The following NRG1 variants were observed in gnomAD, a reference collection of about 807,000 sequenced individuals.
NRG1 encodes neuregulin 1.
Under a neutral mutation model 63.8 loss-of-function variants are expected in NRG1, and 18 were observed. The ratio of observed to expected loss-of-function variants is 0.28; its 90% confidence interval spans 0.19 to 0.42. The LOEUF (loss-of-function observed/expected upper bound fraction) is 0.42, where lower values mean the gene tolerates loss of function less well. NRG1 is among the 10% of genes least tolerant of loss of function. The pLI is 1.00. For synonymous variants in NRG1, 302 were observed against 301.3 expected (o/e 1.00, Z -0.02); for missense variants, 762 against 814.7 (o/e 0.94, Z 0.79).
At chr8:32,717,853 G>A (rs865845293) in intron 5 of NRG1, among the ~76,000 whole-genome samples, 1 of 152,168 alleles carries the variant, frequency 6.6e-6, no homozygotes, top group African/African-American at 2.4e-5. Context: ...TTGGAAGATT[G>A]TGTCTAAATC....
intron 1 of NRG1, among the ~76,000 whole-genome samples, chr8:32,062,575 G>C (rs931233051): frequency 2.6e-5 from 4 of 151,926 alleles, no homozygotes; most frequent in South Asian, 4.1e-4. Flanking sequence ...ATAGAGAGGA[G>C]TGCCTTCTTC....
At chr8:32,086,010 G>A (rs1232632211) in intron 1 of NRG1, among the ~76,000 whole-genome samples, 2 of 152,142 alleles carry the variant, frequency 1.3e-5, no homozygotes, top group East Asian at 3.9e-4. Context: ...AACCCTTCAG[G>A]TAGACTTCTG....
At chr8:31,864,794 G>A (rs745703505) in intron 1 of NRG1, among the ~76,000 whole-genome samples, 1 of 152,192 alleles carries the variant, frequency 6.6e-6, no homozygotes, top group Non-Finnish European at 1.5e-5. Context: ...CTCTGCTGCA[G>A]TGTAGAGAGC....
intron 1 of NRG1, among the ~76,000 whole-genome samples, chr8:32,018,716 T>G (rs117777531): frequency 6.6e-6 from 1 of 152,340 alleles, no homozygotes; most frequent in Non-Finnish European, 1.5e-5. Context: ...ACAAATAAAG[T>G]TGATATAAGC....
chr8:31,800,678 C>T (rs889886099), intron 1 of NRG1, among the ~76,000 whole-genome samples: 2 of 151,870 alleles, frequency 1.3e-5, no homozygotes, highest in African/African-American at 2.4e-5. Context: ...TTTAGTTGAC[C>T]TGGTTTTTAA....
At chr8:32,431,493 C>A (rs544458413) in intron 1 of NRG1, among the ~76,000 whole-genome samples, 6 of 152,052 alleles carry the variant, frequency 3.9e-5, no homozygotes, top group South Asian at 2.1e-4. Flanking sequence ...CTCTGCCTTG[C>A]GGGTAACTTC....
At chr8:31,882,329 T>TA (rs745615085) in intron 1 of NRG1, among the ~76,000 whole-genome samples, 17,650 of 79,818 alleles carry the variant, frequency 0.22, 1,879 homozygotes, top group Admixed American at 0.32. Flanking sequence ...GCTCAAAAAC[T>TA]AAAAAAAAAA....
At chr8:31,740,554 C>T (rs566930502) in intron 1 of NRG1, among the ~76,000 whole-genome samples, 121 of 152,024 alleles carry the variant, frequency 8.0e-4, no homozygotes, top group African/African-American at 2.8e-3. Flanking sequence ...CCAAAATGTC[C>T]ATGACTTCTT....
chr8:32,327,557 T>C (rs1391393837), intron 1 of NRG1, among the ~76,000 whole-genome samples: 2 of 152,226 alleles, frequency 1.3e-5, no homozygotes, highest in Non-Finnish European at 2.9e-5. Context: ...GATCTGAAGA[T>C]TGTCCCATAT....
intron 1 of NRG1, among the ~76,000 whole-genome samples, chr8:32,173,925 G>C (rs1393572512): frequency 6.6e-6 from 1 of 152,152 alleles, no homozygotes; most frequent in Non-Finnish European, 1.5e-5. Context: ...ACATTAGACT[G>C]ATCAACGAGA....
chr8:32,238,375 C>T (rs982334064), intron 1 of NRG1, among the ~76,000 whole-genome samples: 2 of 150,920 alleles, frequency 1.3e-5, no homozygotes, highest in African/African-American at 2.4e-5. Flanking sequence ...AGGAGAATCG[C>T]TTGAACATGG....
chr8:32,199,329 C>T (rs73576648), intron 1 of NRG1, among the ~76,000 whole-genome samples: 2,031 of 152,210 alleles, frequency 0.013, 55 homozygotes, highest in African/African-American at 0.046. Context: ...TTCATTCCTG[C>T]TATATACTTT....
intron 1 of NRG1, among the ~76,000 whole-genome samples, chr8:32,460,047 C>T (rs1822126118): frequency 6.6e-6 from 1 of 152,188 alleles, no homozygotes. Context: ...TTGTCTGTTT[C>T]CTGCCACTCC....
At chr8:31,775,021 A>C (rs1175097655) in intron 1 of NRG1, among the ~76,000 whole-genome samples, 1 of 152,194 alleles carries the variant, frequency 6.6e-6, no homozygotes, top group Non-Finnish European at 1.5e-5. Flanking sequence ...CCCCTATGGA[A>C]AACAGTGTGG....
chr8:32,759,158 G>A (rs1830229739), intron 9 of NRG1, 148 bp from the exon 10 acceptor site: 1 of 910,412 alleles, frequency 1.1e-6, no homozygotes, highest in Non-Finnish European at 1.6e-6. Flanking sequence ...TGGCCATTGG[G>A]GAAATGGAAT....
intron 1 of NRG1, among the ~76,000 whole-genome samples, chr8:32,264,424 A>T (rs1373736797): frequency 6.6e-6 from 1 of 152,186 alleles, no homozygotes; most frequent in Non-Finnish European, 1.5e-5. Flanking sequence ...GTATAATCAA[A>T]GTCTAGAGGG....
chr8:32,712,062 T>A (rs945661112), intron 5 of NRG1, among the ~76,000 whole-genome samples: 7 of 152,150 alleles, frequency 4.6e-5, no homozygotes, highest in African/African-American at 1.7e-4. Context: ...TTCCTTGTAC[T>A]TTTCTCCTTG....
chr8:32,349,851 T>A (rs1805372237), intron 1 of NRG1, among the ~76,000 whole-genome samples: 1 of 152,208 alleles, frequency 6.6e-6, no homozygotes. Context: ...TTCTTTCTGA[T>A]TCTCTGTCTT....
At chr8:32,650,471 T>TA (rs1164277094) in intron 5 of NRG1, among the ~76,000 whole-genome samples, 4 of 151,992 alleles carry the variant, frequency 2.6e-5, no homozygotes, top group Non-Finnish European at 5.9e-5. Flanking sequence ...ACTAGTTCCT[T>TA]AAAAAAACAT....
Sources: allele counts gnomAD v4.1 joint callset (sites outside exome capture counted in the v4.1 genomes callset), GRCh38; gene constraint gnomAD v4.1.1; transcripts MANE v1.5; gene names NCBI Gene and HGNC (gene_info 2026-07-23, HGNC 2026-07-21).